The following FSHR variants were observed in gnomAD, a reference collection of about 807,000 sequenced individuals.
FSHR encodes the protein follicle stimulating hormone receptor, also known as follicle-stimulating hormone receptor.
A neutral mutation model predicts 52.1 loss-of-function variants in FSHR; 46 were observed. The ratio of observed to expected loss-of-function variants is 0.88; its 90% CI spans 0.70 to 1.13. FSHR has a LOEUF of 1.13. Among genes scored for constraint, FSHR ranks in the 50% most tolerant of loss-of-function variants. The pLI is 0.00. For synonymous variants in FSHR, 399 were observed against 309.6 expected (o/e 1.29, Z -3.03); for missense variants, 964 against 834.6 (o/e 1.16, Z -1.91).
At chr2:48,977,086 G>A (rs1429764516) in intron 8 of FSHR, among the ~76,000 whole-genome samples, 1 of 151,374 alleles carries the variant, frequency 6.6e-6, no homozygotes, top group Non-Finnish European at 1.5e-5. Flanking sequence ...ATGTATCCCA[G>A]AACTTAAAAT....
intron 4 of FSHR, among the ~76,000 whole-genome samples, chr2:48,993,931 A>T (rs963787283): frequency 6.6e-6 from 1 of 152,170 alleles, no homozygotes; most frequent in Admixed American, 6.5e-5. Context: ...CCCCTGATTT[A>T]TTCTCAATAT....
At chr2:49,086,009 T>A (rs1670374861) in intron 1 of FSHR, among the ~76,000 whole-genome samples, 1 of 152,032 alleles carries the variant, frequency 6.6e-6, no homozygotes, top group Admixed American at 6.6e-5. Context: ...ATATACCTAA[T>A]GCTAAATGAC....
intron 1 of FSHR, among the ~76,000 whole-genome samples, chr2:49,082,197 T>C (rs896821308): frequency 6.6e-5 from 10 of 152,074 alleles, no homozygotes; most frequent in African/African-American, 1.9e-4. Flanking sequence ...CCCTGACCCC[T>C]GAGCAGCCTA....
chr2:48,964,052 T>C, intron 9 of FSHR, 86 bp from the exon 10 acceptor site: 10 of 1,408,142 alleles, frequency 7.1e-6, no homozygotes, highest in Non-Finnish European at 9.8e-6. Context: ...GTAGAAATGA[T>C]GAGTTTCTTC....
At chr2:48,973,266 A>ATACACGCACACG (rs1674824133) in intron 8 of FSHR, among the ~76,000 whole-genome samples, 1 of 151,016 alleles carries the variant, frequency 6.6e-6, no homozygotes, top group African/African-American at 2.5e-5. Context: ...ACACACACAC[A>ATACACGCACACG]CACATGCACA....
At chr2:49,070,234 G>A (rs57327193) in intron 1 of FSHR, among the ~76,000 whole-genome samples, 3,399 of 152,214 alleles carry the variant, frequency 0.022, 115 homozygotes, top group African/African-American at 0.079. Context: ...CAGAAATATT[G>A]TCAAGAGTAG....
At chr2:49,011,564 G>T (rs1360861816) in intron 4 of FSHR, among the ~76,000 whole-genome samples, 1 of 152,114 alleles carries the variant, frequency 6.6e-6, no homozygotes, top group East Asian at 1.9e-4. Flanking sequence ...GCAGAGCTGA[G>T]TTCAATTCCT....
At chr2:48,989,092 G>C in intron 5 of FSHR, 38 bp from the exon 6 acceptor site, 2 of 1,540,256 alleles carry the variant, frequency 1.3e-6, no homozygotes, top group Non-Finnish European at 1.8e-6. Flanking sequence ...ACTTACATCA[G>C]CTCTACTCAT....
chr2:49,108,786 A>G (rs897332613), intron 1 of FSHR, among the ~76,000 whole-genome samples: 13 of 152,134 alleles, frequency 8.5e-5, no homozygotes, highest in Non-Finnish European at 1.3e-4. Flanking sequence ...ATGAATGGGG[A>G]TGAGAGGATA....
intron 2 of FSHR, among the ~76,000 whole-genome samples, chr2:49,053,235 A>G (rs1374177513): frequency 1.3e-5 from 2 of 152,200 alleles, no homozygotes; most frequent in Non-Finnish European, 2.9e-5. Flanking sequence ...TGCATATACC[A>G]TATTTCAGCT....
chr2:48,964,498 C>T (rs990721766), intron 9 of FSHR, among the ~76,000 whole-genome samples: 1 of 152,170 alleles, frequency 6.6e-6, no homozygotes, highest in African/African-American at 2.4e-5. Context: ...CTTTGGTACT[C>T]AGGCTATTAG....
chr2:49,067,874 C>G (rs1669566415), intron 2 of FSHR, among the ~76,000 whole-genome samples: 1 of 151,868 alleles, frequency 6.6e-6, no homozygotes, highest in African/African-American at 2.4e-5. Context: ...AAAAATTAAT[C>G]ATAAATGGTA....
At chr2:49,077,914 C>T (rs543195512) in intron 1 of FSHR, among the ~76,000 whole-genome samples, 1 of 152,322 alleles carries the variant, frequency 6.6e-6, no homozygotes, top group Non-Finnish European at 1.5e-5. Context: ...ATATCACTAT[C>T]AGCATTTTTG....
chr2:49,090,754 C>G (rs553900664), intron 1 of FSHR, among the ~76,000 whole-genome samples: 1 of 152,284 alleles, frequency 6.6e-6, no homozygotes, highest in South Asian at 2.1e-4. Context: ...GTTCCAGGTG[C>G]TCTACATCCT....
chr2:49,037,655 C>T (rs954694886), intron 2 of FSHR, among the ~76,000 whole-genome samples: 1 of 151,896 alleles, frequency 6.6e-6, no homozygotes, highest in Non-Finnish European at 1.5e-5. Context: ...ATTAAACACT[C>T]AATAAGTGGA....
intron 2 of FSHR, among the ~76,000 whole-genome samples, chr2:49,067,199 A>C (rs11903014): frequency 0.48 from 72,610 of 151,894 alleles, 17,511 homozygotes; most frequent in African/African-American, 0.54. Flanking sequence ...TTTTATATTA[A>C]AACTAGCACT....
At chr2:48,996,519 C>T (rs746705917) in intron 4 of FSHR, among the ~76,000 whole-genome samples, 5 of 152,036 alleles carry the variant, frequency 3.3e-5, no homozygotes, top group Non-Finnish European at 5.9e-5. Flanking sequence ...GATTCATTAA[C>T]ACAACTCATG....
chr2:49,068,635 CCAACCCCCATTA>C (rs1669605201), intron 1 of FSHR, among the ~76,000 whole-genome samples: 1 of 152,056 alleles, frequency 6.6e-6, no homozygotes, highest in Non-Finnish European at 1.5e-5. Context: ...TTCCTCTACT[CCAACCCCCATTA>C]CCTCTTCCTT....
intron 1 of FSHR, among the ~76,000 whole-genome samples, chr2:49,120,695 T>C (rs1342770953): frequency 7.1e-6 from 1 of 140,908 alleles, no homozygotes; most frequent in East Asian, 2.5e-4. Flanking sequence ...CCAATTATAC[T>C]TTGGACATAT....
Sources: allele counts gnomAD v4.1 joint callset (sites outside exome capture counted in the v4.1 genomes callset), GRCh38; gene constraint gnomAD v4.1.1; transcripts MANE v1.5; gene names NCBI Gene and HGNC (gene_info 2026-07-23, HGNC 2026-07-21).